The following CCNY variants were observed in gnomAD, a reference collection of about 807,000 sequenced individuals.
CCNY encodes cyclin Y.
Under a neutral mutation model 42.8 loss-of-function variants are expected in CCNY, and 19 were observed. That is an observed-to-expected ratio of 0.44 (90% CI 0.31 to 0.65). CCNY has a LOEUF of 0.65. Among genes scored for constraint, CCNY ranks in the 30% least tolerant of loss-of-function variants. CCNY has a pLI of 0.07. For missense variants in CCNY, 370 were observed against 437.3 expected (o/e 0.85, Z 1.37); for synonymous variants, 165 against 162.7 (o/e 1.01, Z -0.11).
rs191180850 is a variant in CCNY at position 35,261,891 on chromosome 10, C to T, written c.-9+11265C>T. ...CAAAAATTAGCCAGGCATGGTGGTG[C>T]GTGCCTGTAATCCCAGCTACTTGGG... On this transcript the variant is annotated intron_variant, in intron 3 of 11. Transcript: ENST00000374706. Among the ~76,000 whole-genome samples the T allele has an allele frequency of 1.1e-4, 16 of 152,022 alleles. No homozygotes were observed. The East Asian group carries it at 2.1e-3, about 20-fold the overall frequency.
At chr10:35,480,811 A>T (rs908944892) in intron 1 of CCNY, among the ~76,000 whole-genome samples, 1 of 152,018 alleles carries the variant, frequency 6.6e-6, no homozygotes, top group Non-Finnish European at 1.5e-5. Context: ...TACAAAAAAT[A>T]AAAAAATTAG....
chr10:35,486,222 T>TA (rs916513026), intron 2 of CCNY, among the ~76,000 whole-genome samples: 3 of 152,190 alleles, frequency 2.0e-5, no homozygotes, highest in Non-Finnish European at 4.4e-5. Flanking sequence ...GTGCTGGAGA[T>TA]ACATTTCTTC....
chr10:35,558,403 G>A (rs180985909), intron 8 of CCNY, among the ~76,000 whole-genome samples: 1 of 152,266 alleles, frequency 6.6e-6, no homozygotes, highest in South Asian at 2.1e-4. Flanking sequence ...TCCTAATGCT[G>A]TGTTCTCAAG....
intron 3 of CCNY, among the ~76,000 whole-genome samples, chr10:35,251,815 C>T (rs1373621146): frequency 2.7e-5 from 4 of 149,178 alleles, no homozygotes; most frequent in Non-Finnish European, 4.5e-5. Context: ...TCTTGAACCC[C>T]TGGGTGCAAG....
intron 3 of CCNY, among the ~76,000 whole-genome samples, chr10:35,307,955 T>C (rs1334024282): frequency 1.3e-5 from 2 of 151,116 alleles, no homozygotes; most frequent in East Asian, 3.9e-4. Flanking sequence ...CTAGCTGGGA[T>C]TACAGGCGAC....
At chr10:35,268,269 T>C (rs1388263591) in intron 3 of CCNY, among the ~76,000 whole-genome samples, 2 of 152,124 alleles carry the variant, frequency 1.3e-5, no homozygotes, top group Non-Finnish European at 2.9e-5. Flanking sequence ...ATCCCAACAC[T>C]TTTGGAGGCT....
intron 3 of CCNY, among the ~76,000 whole-genome samples, chr10:35,508,563 A>G (rs1840260251): frequency 2.6e-5 from 4 of 152,172 alleles, no homozygotes; most frequent in South Asian, 4.1e-4. Flanking sequence ...ATGTGTGCTC[A>G]TTGCTGCTGG....
Position 35,465,938 on chromosome 10 carries a change from AGT to A in CCNY, c.155-17445_155-17444del, listed in dbSNP as rs1312410028. Among the ~76,000 whole-genome samples the A allele has an allele frequency of 9.8e-3, 792 of 80,968 alleles. 4 individuals are homozygous for A. Among genetic ancestry groups the A allele is most frequent in the Middle Eastern group, 0.02 (3 of 152 alleles). 53.1% of individuals were successfully genotyped at this position (80,968 alleles called of 152,430 possible). ...GAGAGAGAGAGAGAGAGAGAGAGAG[AGT>A]GTGTGTGTGTGTGTGTGTGTCTGTG... is the stretch of plus-strand genomic sequence containing the variant. On this transcript the variant is annotated intron_variant, in intron 1 of 9. Coordinates refer to ENST00000374704, the MANE Select transcript of CCNY (RefSeq NM_145012.6).
intron 3 of CCNY, among the ~76,000 whole-genome samples, chr10:35,257,234 T>C (rs115750355): frequency 1.5e-4 from 15 of 98,116 alleles, no homozygotes; most frequent in Admixed American, 7.6e-4. Flanking sequence ...CTCCCTCCCT[T>C]CCTTCCTCTT....
At chr10:35,536,044 G>A (rs1840879652) in intron 7 of CCNY, among the ~76,000 whole-genome samples, 1 of 152,158 alleles carries the variant, frequency 6.6e-6, no homozygotes. Context: ...GATGTAGTTT[G>A]GCTGTGTCCC....
intron 2 of CCNY, among the ~76,000 whole-genome samples, chr10:35,497,310 A>G (rs1019848643): frequency 1.3e-5 from 2 of 152,262 alleles, no homozygotes; most frequent in African/African-American, 2.4e-5. Flanking sequence ...TTATACCATT[A>G]CATAAAATAG....
intron 3 of CCNY, among the ~76,000 whole-genome samples, chr10:35,280,268 AG>A (rs1835284725): frequency 6.6e-6 from 1 of 152,136 alleles, no homozygotes; most frequent in African/African-American, 2.4e-5. Context: ...TGGAGGTTGC[AG>A]TGAGCTGAGA....
intron 3 of CCNY, among the ~76,000 whole-genome samples, chr10:35,269,619 T>TTTG (rs200825092): frequency 0.012 from 1,688 of 136,280 alleles, 42 homozygotes; most frequent in African/African-American, 0.05. Flanking sequence ...TCGCCACTCT[T>TTTG]TTTTTTTTTT....
At chr10:35,350,833 C>T (rs777966431) in intron 1 of CCNY, among the ~76,000 whole-genome samples, 8 of 152,236 alleles carry the variant, frequency 5.3e-5, no homozygotes, top group African/African-American at 1.4e-4. Context: ...TTTAGAAATT[C>T]GAGTCTTGAT....
At chr10:35,370,724 A>T (rs2474524) in intron 1 of CCNY, among the ~76,000 whole-genome samples, 10,839 of 149,752 alleles carry the variant, frequency 0.072, 754 homozygotes, top group African/African-American at 0.17. Context: ...ATTTTATTTT[A>T]TTTTTTTTTG....
intron 3 of CCNY, among the ~76,000 whole-genome samples, chr10:35,311,097 GA>G (rs1835678484): frequency 6.6e-6 from 1 of 152,204 alleles, no homozygotes; most frequent in Non-Finnish European, 1.5e-5. Context: ...AGGATTGCTT[GA>G]GGCCAGGAGT....
At chr10:35,380,916 ATTC>A (rs1235672933) in intron 1 of CCNY, among the ~76,000 whole-genome samples, 1 of 151,934 alleles carries the variant, frequency 6.6e-6, no homozygotes, top group Non-Finnish European at 1.5e-5. Flanking sequence ...TCTTTCCTTT[ATTC>A]TTTTGATTCT....
At chr10:35,568,727 C>T (rs905861216) in intron 9 of CCNY, among the ~76,000 whole-genome samples, 12 of 152,244 alleles carry the variant, frequency 7.9e-5, no homozygotes, top group Non-Finnish European at 1.5e-4. Flanking sequence ...GGATTCAAAA[C>T]AGCACGCGTG....
At chr10:35,498,094 G>T (rs1840038554) in intron 2 of CCNY, among the ~76,000 whole-genome samples, 1 of 152,228 alleles carries the variant, frequency 6.6e-6, no homozygotes, top group Middle Eastern at 3.4e-3. Flanking sequence ...CTCTCCCATG[G>T]AGCCACACAG....
Sources: allele counts gnomAD v4.1 joint callset (sites outside exome capture counted in the v4.1 genomes callset), GRCh38; gene constraint gnomAD v4.1.1; transcripts MANE v1.5; gene names NCBI Gene and HGNC (gene_info 2026-07-23, HGNC 2026-07-21).